Variants in CACNB2 observed in about 807,000 individuals in gnomAD.
CACNB2 encodes the protein calcium voltage-gated channel auxiliary subunit beta 2, also known as voltage-dependent L-type calcium channel subunit beta-2.
A neutral mutation model predicts 73.3 loss-of-function variants in CACNB2; 42 were observed. That is an observed-to-expected ratio of 0.57 (90% confidence interval 0.45 to 0.74). CACNB2 has a LOEUF of 0.74. Ranked by LOEUF, CACNB2 falls within the 30% of genes least tolerant of loss-of-function variation. The pLI, the probability that CACNB2 is intolerant of heterozygous loss-of-function variation, is 0.00. For missense variants in CACNB2, 940 were observed against 853.0 expected, an observed-to-expected ratio of 1.10 and a Z score of -1.27; for synonymous variants, 348 against 310.3, an observed-to-expected ratio of 1.12 and a Z score of -1.28.
rs560003565 is a variant in CACNB2, at chr10:18,543,172, T to G, written c.*3448T>G. 1 of 152,306 alleles carries G rather than the reference T, an allele frequency of 6.6e-6. No individual in the cohort carries two copies. The highest frequency in any genetic ancestry group is 1.9e-4 in the East Asian group (1 of 5,188). 9.4% of individuals were successfully genotyped at this position (152,306 alleles called of 1,614,324 possible). A position where few individuals can be genotyped will look rare whatever the true frequency, so the allele number is the denominator to read the frequency against. ...ATTAGTAGTAGTATTAATTGCCATG[T>G]TAGAAATGATTCATGTAGTTGAGAC... On this transcript the variant is annotated 3_prime_UTR_variant, in exon 14 of 14. Coordinates refer to ENST00000324631, the MANE Select transcript of CACNB2 (RefSeq NM_201596.3).
At chr10:18,231,444 G>T (rs2036222202) in intron 2 of CACNB2, among the ~76,000 whole-genome samples, 1 of 152,196 alleles carries the variant, frequency 6.6e-6, no homozygotes, top group Non-Finnish European at 1.5e-5. Context: ...CTCCCAAAGT[G>T]CTGGGATTAC....
At position 18,539,615 on chromosome 10, in the gene CACNB2, G is replaced by A. The variant is rs772911828; in HGVS notation, c.1874G>A (p.Arg625His). 9.9e-6 allele frequency: 16 copies of A among 1,613,602 alleles called. No individual in the cohort carries two copies. The highest frequency in any genetic ancestry group is 6.7e-5 in the Admixed American group (4 of 59,952). The change falls in exon 14 of 14, where the codon CGC becomes CAC. Residue 625 changes from arginine to histidine, a missense_variant. Physicochemically the swap from Arg to His is conservative, Grantham distance 29. Coordinates refer to ENST00000324631, the MANE Select transcript of CACNB2 (RefSeq NM_201596.3). ...GACCACAACGAGTGCAACAAGCAGC[G>A]CAGCCGTCATAAATCCAAGGATCGC... ...EQDHNECNKQRSRHKSKDRYC... is the reference protein window; with the variant it reads ...EQDHNECNKQHSRHKSKDRYC...
chr10:18,510,447 C>A (rs1589595803), intron 6 of CACNB2, among the ~76,000 whole-genome samples: 1 of 152,106 alleles, frequency 6.6e-6, no homozygotes, highest in East Asian at 1.9e-4. Context: ...GGATTACAGG[C>A]ACCGGCCACC....
In CACNB2 at chr10:18,436,243, G is replaced by A. The variant is rs183900931; in HGVS notation, c.333+34200G>A. ...CCAGTAAGAGTTTTTCCCCTCTTTGGTGGAGAAGTTTAGAAACTTCTGTTT... is the reference window on the plus strand; with the variant it reads ...CCAGTAAGAGTTTTTCCCCTCTTTGATGGAGAAGTTTAGAAACTTCTGTTT... On this transcript the variant is annotated intron_variant, in intron 3 of 13. Coordinates refer to ENST00000324631, the MANE Select transcript of CACNB2 (RefSeq NM_201596.3). Among the ~76,000 whole-genome samples the A allele has an allele frequency of 5.5e-3, 840 of 152,252 alleles. 3 individuals carry two copies. The highest frequency in any genetic ancestry group is 6.9e-3 in the Non-Finnish European group (469 of 68,022).
chr10:18,140,755 T>G lies in CACNB2; in HGVS notation c.19T>G (p.Ser7Ala). The G allele has an allele frequency of 1.9e-6, 3 of 1,595,206 alleles. No individual in the cohort carries two copies. In the East Asian group the frequency reaches 6.8e-5, roughly 36 times the overall value. MVQRDM[S>A]KSPPTAAAAV... ...TTCGCCAATGGTCCAAAGGGACATG[T>G]CCAAGTCGCCTCCCACAGCGGCGGC... The change falls in exon 1 of 14, where the codon TCC becomes GCC. Residue 7 changes from serine to alanine, a missense_variant. Transcript: ENST00000324631.
chr10:18,248,499 T>C (rs2036956042), intron 2 of CACNB2, among the ~76,000 whole-genome samples: 1 of 152,238 alleles, frequency 6.6e-6, no homozygotes, highest in Non-Finnish European at 1.5e-5. Flanking sequence ...GTATCTGTCA[T>C]TCTTATAGTG....
intron 3 of CACNB2, among the ~76,000 whole-genome samples, chr10:18,402,649 A>T (rs567732986): frequency 1.3e-5 from 2 of 152,320 alleles, no homozygotes; most frequent in East Asian, 3.9e-4. Context: ...GCTATGAAAT[A>T]GATAGTTACA....
At chr10:18,196,293 C>CTTTTT (rs374846564) in intron 2 of CACNB2, among the ~76,000 whole-genome samples, 1 of 136,732 alleles carries the variant, frequency 7.3e-6, no homozygotes, top group Non-Finnish European at 1.5e-5. Context: ...ACCAACAAAA[C>CTTTTT]TTTTTTTTTT....
intron 11 of CACNB2, 27 bp from the exon 12 acceptor site, chr10:18,536,060 ATGTAGTTATTACTC>A: frequency 1.7e-6 from 2 of 1,190,802 alleles, no homozygotes; most frequent in Non-Finnish European, 2.5e-6. Context: ...CTTTACCTGG[ATGTAGTTATTACTC>A]TGTTAAAAAC....
chr10:18,351,055 G>A (rs558659342), intron 2 of CACNB2, among the ~76,000 whole-genome samples: 3 of 151,824 alleles, frequency 2.0e-5, no homozygotes, highest in Non-Finnish European at 4.4e-5. Context: ...CTACTTTTTG[G>A]AAAAACAATA....
At chr10:18,239,024 A>T (rs2036551641) in intron 2 of CACNB2, among the ~76,000 whole-genome samples, 1 of 152,152 alleles carries the variant, frequency 6.6e-6, no homozygotes. Flanking sequence ...GCTTTCAGGA[A>T]GATTTGAATC....
intron 6 of CACNB2, 24 bp from the exon 7 acceptor site, chr10:18,514,212 G>A: frequency 6.2e-7 from 1 of 1,613,386 alleles, no homozygotes; most frequent in Non-Finnish European, 8.5e-7. Flanking sequence ...CTGTCCACCT[G>A]ATTTTTGAAT....
At chr10:18,453,896 A>G (rs924763978) in intron 3 of CACNB2, among the ~76,000 whole-genome samples, 1 of 152,146 alleles carries the variant, frequency 6.6e-6, no homozygotes, top group Non-Finnish European at 1.5e-5. Context: ...GAGCCTCACA[A>G]GGTGCTGGGA....
intron 2 of CACNB2, chr10:18,261,055 CA>C: frequency 3.5e-6 from 5 of 1,418,882 alleles, no homozygotes; most frequent in African/African-American, 1.4e-5. Context: ...CCCCCACCCC[CA>C]AAAAAAGACA....
intron 3 of CACNB2, among the ~76,000 whole-genome samples, chr10:18,482,519 T>C (rs372632332): frequency 1.6e-4 from 25 of 152,124 alleles, no homozygotes; most frequent in African/African-American, 5.3e-4. Flanking sequence ...TTGTTTGTTT[T>C]GTTTGTTTTG....
intron 8 of CACNB2, among the ~76,000 whole-genome samples, chr10:18,518,708 G>A (rs1483039046): frequency 6.6e-6 from 1 of 152,138 alleles, no homozygotes; most frequent in Non-Finnish European, 1.5e-5. Context: ...AATGTTATTT[G>A]TCACTAAAAC....
chr10:18,543,287 A>G lies in CACNB2; in HGVS notation c.*3563A>G, dbSNP rs949078293. 3.3e-5 allele frequency: 5 copies of G among 151,948 alleles called. No individual in the cohort carries two copies. Among genetic ancestry groups the G allele is most frequent in the African/African-American group, 4.8e-5 (2 of 41,342 alleles). 9.4% of individuals were successfully genotyped at this position (151,948 alleles called of 1,614,324 possible). A position where few individuals can be genotyped will look rare whatever the true frequency, so the allele number is the denominator to read the frequency against. ...ATGTTCCTTTAGTAATCTTCCTATT[A>G]TGTCTGATTAAAAAAAAAGATACCT... is the stretch of plus-strand genomic sequence containing the variant. On this transcript the variant is annotated 3_prime_UTR_variant, in exon 14 of 14. Coordinates refer to ENST00000324631, the MANE Select transcript of CACNB2 (RefSeq NM_201596.3).
At chr10:18,307,031 A>AC (rs2039755548) in intron 2 of CACNB2, among the ~76,000 whole-genome samples, 1 of 152,150 alleles carries the variant, frequency 6.6e-6, no homozygotes, top group Non-Finnish European at 1.5e-5. Context: ...AAGAGGAAAG[A>AC]CAAGGTCCAA....
At chr10:18,237,664 C>T (rs1343348773) in intron 2 of CACNB2, among the ~76,000 whole-genome samples, 1 of 152,206 alleles carries the variant, frequency 6.6e-6, no homozygotes, top group Non-Finnish European at 1.5e-5. Flanking sequence ...ATCATTTGAA[C>T]TTGATCTTGA....
Sources: allele counts gnomAD v4.1 joint callset (sites outside exome capture counted in the v4.1 genomes callset), GRCh38; gene constraint gnomAD v4.1.1; transcripts MANE v1.5; gene names NCBI Gene and HGNC (gene_info 2026-07-23, HGNC 2026-07-21).